VPS13B: variants seen among roughly 807,000 people sequenced by gnomAD.
The protein encoded by VPS13B is vacuolar protein sorting 13 homolog B.
In VPS13B, 285 loss-of-function variants were observed where a neutral mutation model predicts 426.4. The ratio of observed to expected loss-of-function variants is 0.67; its 90% CI spans 0.61 to 0.74. The LOEUF (loss-of-function observed/expected upper bound fraction) is 0.74. Among genes scored for constraint, VPS13B ranks in the 30% least tolerant of loss-of-function variants. The pLI, the probability that VPS13B is intolerant of heterozygous loss-of-function variation, is 0.00. For synonymous variants in VPS13B, 1,676 were observed against 1,676.4 expected (o/e 1.00, Z 0.01); for missense variants, 4,537 against 4,782.6 (o/e 0.95, Z 1.51).
intron 21 of VPS13B, among the ~76,000 whole-genome samples, chr8:99,429,246 G>A (rs571491888): frequency 1.2e-3 from 180 of 149,050 alleles, no homozygotes; most frequent in African/African-American, 3.8e-3. Context: ...AAACCTGCAC[G>A]TTGTGCACAT....
intron 33 of VPS13B, among the ~76,000 whole-genome samples, chr8:99,594,077 G>A (rs1369162455): frequency 1.3e-5 from 2 of 151,546 alleles, no homozygotes; most frequent in Non-Finnish European, 2.9e-5. Flanking sequence ...GAACTTAAAC[G>A]TTAAAGGAAA....
At chr8:99,331,833 T>C (rs566979532) in intron 19 of VPS13B, among the ~76,000 whole-genome samples, 1 of 151,952 alleles carries the variant, frequency 6.6e-6, no homozygotes, top group African/African-American at 2.4e-5. Context: ...ATACATTGCA[T>C]GATCTTACAG....
At chr8:99,169,523 A>G (rs1207014543) in intron 15 of VPS13B, among the ~76,000 whole-genome samples, 1 of 152,062 alleles carries the variant, frequency 6.6e-6, no homozygotes, top group Non-Finnish European at 1.5e-5. Context: ...TTATTTTCAC[A>G]AAAGAAAATA....
At chr8:99,703,316 A>AT (rs929652792) in intron 36 of VPS13B, among the ~76,000 whole-genome samples, 1 of 151,324 alleles carries the variant, frequency 6.6e-6, no homozygotes, top group Non-Finnish European at 1.5e-5. Context: ...ATAGGATTTG[A>AT]TTTTTTTTTA....
intron 33 of VPS13B, among the ~76,000 whole-genome samples, chr8:99,633,762 G>A (rs914794766): frequency 2.0e-5 from 3 of 149,676 alleles, no homozygotes; most frequent in African/African-American, 7.4e-5. Context: ...TTCTTATGTA[G>A]AGGCATCTGT....
At chr8:99,195,983 G>T (rs1813896966) in intron 17 of VPS13B, among the ~76,000 whole-genome samples, 4 of 152,120 alleles carry the variant, frequency 2.6e-5, no homozygotes. Context: ...AAGTCAGATA[G>T]TGTGATTTCT....
chr8:99,344,917 A>G (rs983601731), intron 19 of VPS13B, among the ~76,000 whole-genome samples: 1 of 152,096 alleles, frequency 6.6e-6, no homozygotes, highest in Admixed American at 6.6e-5. Flanking sequence ...TGGCTTGTTG[A>G]AGAAATCCTT....
At chr8:99,178,099 C>T (rs946856673) in intron 16 of VPS13B, among the ~76,000 whole-genome samples, 3 of 150,398 alleles carry the variant, frequency 2.0e-5, no homozygotes, top group Non-Finnish European at 4.5e-5. Flanking sequence ...TTTATGACTA[C>T]CTTTAAATTT....
At chr8:99,020,394 C>T (rs1014202185) in intron 2 of VPS13B, among the ~76,000 whole-genome samples, 2 of 152,120 alleles carry the variant, frequency 1.3e-5, no homozygotes, top group Non-Finnish European at 2.9e-5. Flanking sequence ...AATCCCTTAG[C>T]AGATACATGA....
intron 19 of VPS13B, among the ~76,000 whole-genome samples, chr8:99,311,785 T>A (rs565638097): frequency 6.6e-6 from 1 of 152,256 alleles, no homozygotes; most frequent in South Asian, 2.1e-4. Context: ...TAGTCTCCCA[T>A]TATTATAGTG....
At chr8:99,684,027 A>T (rs1425202290) in intron 35 of VPS13B, among the ~76,000 whole-genome samples, 1 of 152,170 alleles carries the variant, frequency 6.6e-6, no homozygotes, top group Non-Finnish European at 1.5e-5. Flanking sequence ...GTTTGCCTAG[A>T]GTTATTATAA....
intron 44 of VPS13B, among the ~76,000 whole-genome samples, chr8:99,812,500 AC>A (rs1285345316): frequency 2.0e-5 from 3 of 152,094 alleles, no homozygotes; most frequent in African/African-American, 7.2e-5. Context: ...GCACCTTAAC[AC>A]CCCCTGGATA....
chr8:99,256,819 TTTCTCAGA>T (rs1484917026), intron 17 of VPS13B, among the ~76,000 whole-genome samples: 3 of 152,116 alleles, frequency 2.0e-5, no homozygotes, highest in Admixed American at 1.3e-4. Flanking sequence ...TTGCAGATAT[TTTCTCAGA>T]TTGTTTCCCT....
At chr8:99,585,227 T>A (rs1211864921) in intron 33 of VPS13B, among the ~76,000 whole-genome samples, 1 of 152,190 alleles carries the variant, frequency 6.6e-6, no homozygotes, top group Non-Finnish European at 1.5e-5. Flanking sequence ...TAATGGAAGA[T>A]ACACTAAGAA....
chr8:99,184,226 G>C (rs1260920695), intron 16 of VPS13B, among the ~76,000 whole-genome samples: 2 of 152,062 alleles, frequency 1.3e-5, no homozygotes, highest in African/African-American at 2.4e-5. Context: ...CATTTCTCTT[G>C]GGTAGATACC....
At chr8:99,274,956 GTATAGCTAATATTATCAAA>G in intron 18 of VPS13B, 106 bp from the exon 19 acceptor site, 2 of 848,624 alleles carry the variant, frequency 2.4e-6, no homozygotes, top group Non-Finnish European at 3.4e-6. Flanking sequence ...ATAATTAAAT[GTATAGCTAATATTATCAAA>G]TAAAGTTGAA....
At chr8:99,104,502 G>T (rs887655360) in intron 5 of VPS13B, among the ~76,000 whole-genome samples, 1 of 152,118 alleles carries the variant, frequency 6.6e-6, no homozygotes, top group Admixed American at 6.5e-5. Flanking sequence ...TTTTAGGCTT[G>T]TGTGTTCCAA....
At chr8:99,289,317 A>G (rs927866524) in intron 19 of VPS13B, among the ~76,000 whole-genome samples, 1 of 152,098 alleles carries the variant, frequency 6.6e-6, no homozygotes, top group Non-Finnish European at 1.5e-5. Context: ...AATGCTATAT[A>G]TACTTCTGTA....
In VPS13B at chr8:99,871,605, C is replaced by T. The variant is rs1272962312; in HGVS notation, c.11653C>T (p.Pro3885Ser). 1.2e-6 allele frequency: 2 copies of T among 1,614,018 alleles called. No individual in the cohort carries two copies. The highest frequency in any genetic ancestry group is 4.5e-5 in the East Asian group (2 of 44,880). The change falls in exon 61 of 62, where the codon CCC becomes TCC. Residue 3885 changes from proline (P) to serine (S), a missense_variant. Around this residue, in one of 2 missense-constraint regions of VPS13B, gnomAD observed 4,311 missense variants for 4,474.3 expected, o/e 0.96. Coordinates refer to ENST00000357162, the MANE Select transcript of VPS13B (RefSeq NM_152564.5). Reference protein sequence around the residue: ...VSEDTQQQAFPVTEIDCAQDS... With the variant: ...VSEDTQQQAFSVTEIDCAQDS... ...TGAGGACACACAGCAGCAGGCCTTCCCCGTCACAGAAATCGACTGTGCACA... is the reference window on the plus strand; with the variant it reads ...TGAGGACACACAGCAGCAGGCCTTCTCCGTCACAGAAATCGACTGTGCACA...
Sources: gnomAD v4.1 joint callset for allele counts (sites outside exome capture counted in the v4.1 genomes callset) on GRCh38, gnomAD v4.1.1 for gene constraint, gnomAD v4.1.1 regional missense constraint, MANE v1.5 for transcripts, NCBI Gene and HGNC (gene_info 2026-07-23, HGNC 2026-07-21) for gene names.